Variants in EYS observed in about 807,000 individuals in gnomAD.
EYS encodes the protein EGF-like photoreceptor maintenance factor, also known as protein eyes shut homolog.
In EYS, 250 loss-of-function variants were observed where a neutral mutation model predicts 282.1. The ratio of observed to expected loss-of-function variants is 0.89; its 90% CI spans 0.80 to 0.98. The LOEUF (loss-of-function observed/expected upper bound fraction) is 0.98. Ranked by LOEUF, EYS falls within the 50% of genes least tolerant of loss-of-function variation. The pLI is 0.00. For missense variants in EYS, 4,016 were observed against 3,709.0 expected (o/e 1.08, Z -2.15); for synonymous variants, 1,355 against 1,282.9 (o/e 1.06, Z -1.20).
intron 35 of EYS, among the ~76,000 whole-genome samples, chr6:63,896,290 A>T (rs1263616276): frequency 6.6e-6 from 1 of 152,154 alleles, no homozygotes; most frequent in African/African-American, 2.4e-5. Flanking sequence ...CAATGCACTG[A>T]ATCATTTGTT....
chr6:65,216,083 TTACATA>T lies in EYS; in HGVS notation c.2023+79774_2023+79779del, dbSNP rs1181298689. On this transcript the variant is annotated intron_variant, in intron 12 of 42. Transcript: ENST00000503581. The stretch of plus-strand genomic sequence containing the variant: ...GTCAGCATGGTACACAAAGATGTAC[TTACATA>T]TAAAGTGTTCTAATTTTTCATATAA... Among the ~76,000 whole-genome samples the T allele has an allele frequency of 1.1e-4, 17 of 152,292 alleles. No homozygotes were observed. The East Asian group carries it at 3.3e-3, about 29-fold the overall frequency.
At chr6:63,918,925 C>T (rs1387423202) in intron 35 of EYS, among the ~76,000 whole-genome samples, 6 of 152,260 alleles carry the variant, frequency 3.9e-5, no homozygotes, top group African/African-American at 1.4e-4. Context: ...AGTGGCTGCT[C>T]CAGTCCAATA....
intron 5 of EYS, among the ~76,000 whole-genome samples, chr6:65,441,563 A>G (rs1768329652): frequency 6.6e-6 from 1 of 152,080 alleles, no homozygotes; most frequent in Non-Finnish European, 1.5e-5. Context: ...GTTGCAGATC[A>G]AAACTGTGCA....
At chr6:64,289,968 T>C (rs1768641395) in intron 30 of EYS, among the ~76,000 whole-genome samples, 1 of 152,040 alleles carries the variant, frequency 6.6e-6, no homozygotes, top group African/African-American at 2.4e-5. Flanking sequence ...GAAGGCTGGA[T>C]AATAATAATC....
chr6:63,883,957 T>A (rs975905643), intron 35 of EYS, among the ~76,000 whole-genome samples: 2 of 152,216 alleles, frequency 1.3e-5, no homozygotes, highest in African/African-American at 4.8e-5. Flanking sequence ...ACTCTTAGTA[T>A]GTTTATTATA....
At chr6:64,724,984 A>C (rs139070889) in intron 22 of EYS, among the ~76,000 whole-genome samples, 29 of 152,234 alleles carry the variant, frequency 1.9e-4, no homozygotes, top group African/African-American at 7.0e-4. Flanking sequence ...AAAATGAAAA[A>C]ACAAATCAAA....
intron 26 of EYS, among the ~76,000 whole-genome samples, chr6:64,511,133 T>C (rs1777380366): frequency 6.6e-6 from 1 of 150,730 alleles, no homozygotes; most frequent in South Asian, 2.1e-4. Flanking sequence ...CTAAAATCAA[T>C]GATAATTGTT....
chr6:64,394,977 G>C (rs1301480610), intron 28 of EYS, among the ~76,000 whole-genome samples: 1 of 152,184 alleles, frequency 6.6e-6, no homozygotes, highest in African/African-American at 2.4e-5. Flanking sequence ...CGAAGGATAT[G>C]AACAGACACT....
intron 2 of EYS, among the ~76,000 whole-genome samples, chr6:65,568,630 A>T (rs1026964389): frequency 2.0e-5 from 3 of 152,192 alleles, no homozygotes; most frequent in African/African-American, 7.2e-5. Context: ...CAATGACAAA[A>T]TTAGACTAGG....
chr6:65,468,237 A>G (rs574902778), intron 5 of EYS, among the ~76,000 whole-genome samples: 1 of 152,298 alleles, frequency 6.6e-6, no homozygotes, highest in South Asian at 2.1e-4. Flanking sequence ...CCGAAGCTAC[A>G]AGAAGAGACA....
In EYS at chr6:64,272,978, A is replaced by T. The variant is rs1420310477; in HGVS notation, c.6191+33992T>A. On this transcript the variant is annotated intron_variant, in intron 30 of 42. Coordinates refer to ENST00000503581, the MANE Select transcript of EYS (RefSeq NM_001142800.2). ...ACTAAAATATCTTATTCATTCCCTT[A>T]ATGTTTTTGTATTTTCTTTTCGGTT... Among the ~76,000 whole-genome samples, 6 of 152,152 alleles carry T rather than the reference A, an allele frequency of 3.9e-5. No individual in the cohort carries two copies. In the South Asian group the frequency reaches 1.0e-3, roughly 26 times the overall value.
intron 22 of EYS, among the ~76,000 whole-genome samples, chr6:64,792,322 T>C (rs973491778): frequency 2.0e-5 from 3 of 152,020 alleles, no homozygotes; most frequent in African/African-American, 4.8e-5. Flanking sequence ...CATTAGATCA[T>C]ATATTTACAA....
chr6:64,831,525 T>A (rs923174381), intron 19 of EYS, among the ~76,000 whole-genome samples: 1 of 151,968 alleles, frequency 6.6e-6, no homozygotes, highest in African/African-American at 2.4e-5. Context: ...ATTACAGTAG[T>A]CCTTAGAGGT....
chr6:65,703,208 C>CTA (rs988129394), intron 1 of EYS, among the ~76,000 whole-genome samples: 6 of 151,954 alleles, frequency 3.9e-5, no homozygotes, highest in Admixed American at 2.0e-4. Flanking sequence ...CTCTCTCTCT[C>CTA]TATATATATA....
Position 63,726,657 on chromosome 6 carries a change from A to G in EYS, c.8095T>C (p.Phe2699Leu), listed in dbSNP as rs1264699482. Residue 2699 changes from phenylalanine (F) to leucine (L), a missense_variant, in exon 42 of 43, where the codon TTC becomes CTC. Coordinates refer to ENST00000503581, the MANE Select transcript of EYS (RefSeq NM_001142800.2). ...ATCCAGGATAACTCATTGCTTCTGAAAGATGGATCACTTATGGATAAAGCT... is the reference window on the plus strand; with the variant it reads ...ATCCAGGATAACTCATTGCTTCTGAGAGATGGATCACTTATGGATAAAGCT... The part of the protein sequence containing the change: ...EQALSISDPS[F>L]RSNELSWMSF... The G allele has an allele frequency of 1.3e-6, 2 of 1,551,302 alleles. No individual in the cohort carries two copies. Among genetic ancestry groups the G allele is most frequent in the Non-Finnish European group, 1.7e-6 (2 of 1,146,714 alleles).
rs1396995250 is a variant in EYS, at chr6:64,945,860, A to C, written c.2314T>G (p.Ser772Ala). ...CAAGGATTCATTTTACACTCATTGG[A>C]TTCTTGTTCACAAAAATTTCCTTCC... ...DWEGNFCEQE[S>A]NECKMNPCKN... Residue 772 changes from serine (S) to alanine (A), a missense_variant, in exon 15 of 43, where the codon TCC becomes GCC. Coordinates refer to ENST00000503581, the MANE Select transcript of EYS (RefSeq NM_001142800.2). 6.5e-7 allele frequency: 1 copy of C among 1,549,196 alleles called. No homozygotes were observed. Among genetic ancestry groups the C allele is most frequent in the Non-Finnish European group, 8.7e-7 (1 of 1,145,302 alleles).
intron 15 of EYS, among the ~76,000 whole-genome samples, chr6:64,941,074 C>A (rs867978502): frequency 5.3e-5 from 8 of 151,944 alleles, no homozygotes; most frequent in African/African-American, 1.9e-4. Context: ...CCAAACAAAT[C>A]TAGGATTAAA....
chr6:64,307,548 C>T (rs540310709), intron 29 of EYS, among the ~76,000 whole-genome samples: 1 of 152,086 alleles, frequency 6.6e-6, no homozygotes, highest in African/African-American at 2.4e-5. Context: ...CAAGCAAGGT[C>T]TGAGGCTGTG....
intron 12 of EYS, among the ~76,000 whole-genome samples, chr6:65,226,435 A>C (rs1766628227): frequency 6.6e-6 from 1 of 152,216 alleles, no homozygotes; most frequent in Admixed American, 6.5e-5. Context: ...TAACTCAACA[A>C]AAAGACAAGC....
Sources: gnomAD v4.1 joint callset for allele counts (sites outside exome capture counted in the v4.1 genomes callset) on GRCh38, gnomAD v4.1.1 for gene constraint, MANE v1.5 for transcripts, NCBI Gene and HGNC (gene_info 2026-07-23, HGNC 2026-07-21) for gene names.